ST6GALNAC1: variants seen among roughly 807,000 people sequenced by gnomAD.
ST6GALNAC1 encodes the protein alpha-N-acetylgalactosaminide alpha-2,6-sialyltransferase 1.
Under a neutral mutation model 56.8 loss-of-function variants are expected in ST6GALNAC1, and 45 were observed. The ratio of observed to expected loss-of-function variants is 0.79; its 90% CI spans 0.62 to 1.02. The LOEUF is 1.02. ST6GALNAC1 is among the 50% of genes least tolerant of loss of function. The pLI, the probability that ST6GALNAC1 is intolerant of heterozygous loss-of-function variation, is 0.00. For missense variants in ST6GALNAC1, 743 were observed against 754.8 expected (o/e 0.98, Z 0.18); for synonymous variants, 295 against 297.8 (o/e 0.99, Z 0.10).
intron 1 of ST6GALNAC1, among the ~76,000 whole-genome samples, chr17:76,641,060 G>A (rs192485591): frequency 6.6e-6 from 1 of 152,188 alleles, no homozygotes; most frequent in African/African-American, 2.4e-5. Flanking sequence ...CTGCAGCTGT[G>A]TAGCTGCAAG....
At position 76,629,023 on chromosome 17, in the gene ST6GALNAC1, C is replaced by T. The variant is rs753996478; in HGVS notation, c.820G>A (p.Gly274Ser). Residue 274 changes from glycine (G) to serine (S), a missense_variant, in exon 2 of 9, where the codon GGC becomes AGC. By Grantham distance (56) the Gly-to-Ser change is moderately conservative. Transcript: ENST00000156626. ...FEEKYSFEIGGLQTTCPDSVK... is the reference protein window; with the variant it reads ...FEEKYSFEIGSLQTTCPDSVK... The stretch of plus-strand genomic sequence containing the variant: ...TGGCAAAAACTCACCGTCTGAAGGC[C>T]TCCTATTTCGAAGCTGTATTTTTCC... 6 of 1,529,350 alleles carry T rather than the reference C, an allele frequency of 3.9e-6. No homozygotes were observed. The Admixed American group carries it at 1.1e-4, about 27-fold the overall frequency. The allele number at this position is 1,529,350 out of a possible 1,614,324, so 94.7% of individuals were successfully genotyped here.
chr17:76,625,625 C>T, intron 8 of ST6GALNAC1, 98 bp from the exon 9 acceptor site: 1 of 1,429,492 alleles, frequency 7.0e-7, no homozygotes. Flanking sequence ...GTTCTTTTCC[C>T]TGGCTCCGTC....
chr17:76,622,629 C>T (rs1180697009), downstream of ST6GALNAC1, among the ~76,000 whole-genome samples: 2 of 152,104 alleles, frequency 1.3e-5, no homozygotes, highest in Admixed American at 1.3e-4. Context: ...TCCCAAAGTG[C>T]TGGGATTATA....
intron 1 of ST6GALNAC1, chr17:76,637,509 G>A: frequency 2.6e-6 from 1 of 392,004 alleles, no homozygotes. Context: ...TTTCAAGAAT[G>A]TTATTTGAAT....
chr17:76,638,329 T>A (rs2076003811), intron 1 of ST6GALNAC1, among the ~76,000 whole-genome samples: 1 of 152,112 alleles, frequency 6.6e-6, no homozygotes, highest in Non-Finnish European at 1.5e-5. Flanking sequence ...GGGTGCGTCT[T>A]AAGATGATAT....
downstream of ST6GALNAC1, among the ~76,000 whole-genome samples, chr17:76,621,416 G>T (rs4789329): frequency 8.6e-5 from 13 of 151,334 alleles, no homozygotes; most frequent in East Asian, 1.2e-3. Flanking sequence ...CTCTTGACCT[G>T]GTAATCTGCC....
downstream of ST6GALNAC1, among the ~76,000 whole-genome samples, chr17:76,623,692 TCA>T (rs910422938): frequency 3.3e-5 from 5 of 152,260 alleles, no homozygotes; most frequent in Admixed American, 6.5e-5. Context: ...AGCCTATTTA[TCA>T]CAGTTTTCCT....
chr17:76,626,478 A>G (rs1567952148), intron 5 of ST6GALNAC1, 86 bp from the exon 6 acceptor site: 2 of 1,517,196 alleles, frequency 1.3e-6, no homozygotes, highest in East Asian at 2.2e-5. Context: ...CCGACTGCCC[A>G]CTTGCTCTGC....
At position 76,629,707 on chromosome 17, in the gene ST6GALNAC1, G is replaced by C. The variant is rs2075865113; in HGVS notation, c.136C>G (p.Gln46Glu). Reference sequence around the variant, plus strand: ...CTTTCTTTAATGTTCTCTGTGCGTTGATGCCTAGGGACAGAGATAACCTTT... The same window carrying C: ...CTTTCTTTAATGTTCTCTGTGCGTTCATGCCTAGGGACAGAGATAACCTTT... ...KEPQTKPSRH[Q>E]RTENIKERSL... The change falls in exon 2 of 9, where the codon CAA (glutamine) becomes GAA (glutamate). Residue 46 changes from glutamine to glutamate, a missense_variant. Transcript: ENST00000156626. The C allele has an allele frequency of 1.2e-6, 2 of 1,611,428 alleles. No homozygotes were observed. Among genetic ancestry groups the C allele is most frequent in the Non-Finnish European group, 1.7e-6 (2 of 1,178,584 alleles).
At chr17:76,638,477 A>G (rs944476709) in intron 1 of ST6GALNAC1, among the ~76,000 whole-genome samples, 17 of 151,796 alleles carry the variant, frequency 1.1e-4, no homozygotes, top group African/African-American at 4.1e-4. Flanking sequence ...CCCGAGTTCA[A>G]GCGATTCTCC....
chr17:76,624,179 C>T (rs2075767132), downstream of ST6GALNAC1, among the ~76,000 whole-genome samples: 2 of 152,208 alleles, frequency 1.3e-5, no homozygotes, highest in South Asian at 4.1e-4. Context: ...GCTCCCCTCT[C>T]TCCCTTCCAC....
intron 1 of ST6GALNAC1, among the ~76,000 whole-genome samples, chr17:76,639,638 A>AACAC (rs55706272): frequency 0.011 from 1,435 of 125,192 alleles, 29 homozygotes; most frequent in African/African-American, 0.033. Context: ...TTACATGATA[A>AACAC]ACACACACAC....
intron 8 of ST6GALNAC1, 124 bp from the exon 9 acceptor site, chr17:76,625,651 G>A (rs1393843415): frequency 3.2e-6 from 4 of 1,237,048 alleles, no homozygotes; most frequent in Non-Finnish European, 4.5e-6. Context: ...GGGTCTGGGT[G>A]CAGGTCCCTG....
chr17:76,622,277 A>G (rs1194329505), downstream of ST6GALNAC1, among the ~76,000 whole-genome samples: 1 of 150,402 alleles, frequency 6.6e-6, no homozygotes, highest in Non-Finnish European at 1.5e-5. Context: ...TTAACCATTT[A>G]TCTGTGATAT....
chr17:76,626,954 T>C, intron 4 of ST6GALNAC1, 113 bp downstream of exon 4: 2 of 1,416,356 alleles, frequency 1.4e-6, no homozygotes, highest in Non-Finnish European at 1.9e-6. Context: ...GAACATCCTA[T>C]GGGTCTCTCA....
At position 76,625,199 on chromosome 17, in the gene ST6GALNAC1, G is replaced by T; in HGVS notation, c.*131C>A. ...TGAGAGAGTCTTGTCCATGGTTCAA[G>T]TGTTCCCTTGGAACTCCTGAAGGGC... On this transcript the variant is annotated 3_prime_UTR_variant, in exon 9 of 9. Transcript: ENST00000156626. 1.1e-6 allele frequency: 1 copy of T among 920,290 alleles called. No homozygotes were observed. Among genetic ancestry groups the T allele is most frequent in the Non-Finnish European group, 1.6e-6 (1 of 620,980 alleles). The allele number at this position is 920,290 out of a possible 1,614,324, so 57.0% of individuals were successfully genotyped here.
At chr17:76,637,272 T>TAAAAAA (rs771644279) in intron 1 of ST6GALNAC1, among the ~76,000 whole-genome samples, 6 of 18,168 alleles carry the variant, frequency 3.3e-4, no homozygotes, top group East Asian at 1.9e-3. Context: ...CAATAAATAC[T>TAAAAAA]AAAAAAAAAA....
At chr17:76,624,213 C>T (rs947130075), downstream of ST6GALNAC1, among the ~76,000 whole-genome samples, 5 of 151,878 alleles carry the variant, frequency 3.3e-5, no homozygotes, top group African/African-American at 4.8e-5. Flanking sequence ...GTCCTTTATT[C>T]TATTTATTTA....
At chr17:76,633,270 G>T (rs1299301707) in intron 1 of ST6GALNAC1, among the ~76,000 whole-genome samples, 1 of 152,088 alleles carries the variant, frequency 6.6e-6, no homozygotes, top group Admixed American at 6.5e-5. Context: ...CAGCACTTTG[G>T]GAGGCCGAGG....
Sources: gnomAD v4.1 joint callset for allele counts (sites outside exome capture counted in the v4.1 genomes callset) on GRCh38, gnomAD v4.1.1 for gene constraint, MANE v1.5 for transcripts, NCBI Gene and HGNC (gene_info 2026-07-23, HGNC 2026-07-21) for gene names.